The following ASPH variants were observed in gnomAD, a reference collection of about 807,000 sequenced individuals.
ASPH encodes the protein aspartate beta-hydroxylase, also known as aspartyl/asparaginyl beta-hydroxylase.
In ASPH, 100 loss-of-function variants were observed where a neutral mutation model predicts 118.4. The ratio of observed to expected loss-of-function variants is 0.84; its 90% CI spans 0.72 to 1.00. The LOEUF is 1.00. Among genes scored for constraint, ASPH ranks in the 50% least tolerant of loss-of-function variants. The pLI is 0.00. For synonymous variants in ASPH, 315 were observed against 325.6 expected, an observed-to-expected ratio of 0.97 and a Z score of 0.35; for missense variants, 920 against 919.5, an observed-to-expected ratio of 1.00 and a Z score of -0.01.
At chr8:61,664,381 C>T (rs945001895) in intron 3 of ASPH, 3 of 975,584 alleles carry the variant, frequency 3.1e-6, no homozygotes, top group African/African-American at 1.8e-5. Flanking sequence ...ATAATTAAAA[C>T]CTTTCTATAG....
intron 14 of ASPH, among the ~76,000 whole-genome samples, chr8:61,603,281 T>C (rs1485863759): frequency 1.3e-5 from 2 of 151,440 alleles, no homozygotes; most frequent in East Asian, 1.9e-4. Context: ...GAATAATCAG[T>C]GTTTACATTT....
Position 61,514,412 on chromosome 8 carries a change from T to G in ASPH, c.2126+3116A>C, listed in dbSNP as rs200312827. Among the ~76,000 whole-genome samples, 16 of 152,066 alleles carry G rather than the reference T, an allele frequency of 1.1e-4. No homozygotes were observed. The East Asian group carries it at 2.3e-3, about 22-fold the overall frequency. On this transcript the variant is annotated intron_variant, in intron 24 of 24. Coordinates refer to ENST00000379454, the MANE Select transcript of ASPH (RefSeq NM_004318.4). ...CTGCAGCCTTGAACTCCTGGGCAATTTTTTAAAAGTTGTTTCTGTGGCTGA... is the reference window on the plus strand; with the variant it reads ...CTGCAGCCTTGAACTCCTGGGCAATGTTTTAAAAGTTGTTTCTGTGGCTGA...
At chr8:61,656,060 T>G (rs1331766100) in intron 3 of ASPH, 1 of 152,168 alleles carries the variant, frequency 6.6e-6, no homozygotes, top group Non-Finnish European at 1.5e-5. Flanking sequence ...GTTCTAAAAT[T>G]TGAGGGAAAA....
intron 3 of ASPH, chr8:61,675,543 T>C (rs2086435115): frequency 1.0e-6 from 1 of 980,090 alleles, no homozygotes; most frequent in Non-Finnish European, 1.2e-6. Flanking sequence ...TGAACCTATC[T>C]GACAAACCTA....
intron 3 of ASPH, among the ~76,000 whole-genome samples, chr8:61,662,398 C>G (rs1294162397): frequency 3.3e-5 from 5 of 152,126 alleles, no homozygotes; most frequent in Non-Finnish European, 7.4e-5. Flanking sequence ...CTCCCAACTA[C>G]CTAGTATTGT....
chr8:61,518,581 T>C (rs573008093), intron 22 of ASPH, among the ~76,000 whole-genome samples: 186 of 152,340 alleles, frequency 1.2e-3, no homozygotes, highest in Non-Finnish European at 1.5e-3. Flanking sequence ...ATGTATTCTA[T>C]ACTATAGTCT....
rs1485687664 is a variant in ASPH at position 61,631,562 on chromosome 8, C to T, written c.934+2121G>A. 4.6e-5 allele frequency: 7 copies of T among 152,132 alleles called. No individual in the cohort carries two copies. In the East Asian group the frequency reaches 1.2e-3, roughly 25 times the overall value. 9.4% of individuals were successfully genotyped at this position (152,132 alleles called of 1,614,324 possible). A position where few individuals can be genotyped will look rare whatever the true frequency, so the allele number is the denominator to read the frequency against. On this transcript the variant is annotated intron_variant, in intron 13 of 24. Transcript: ENST00000379454. Reference sequence around the variant, plus strand: ...CCATATAGCCTAGATGTGTAGTAGGCTACTCTATGATGTTCATACGTGGAC... The same window carrying T: ...CCATATAGCCTAGATGTGTAGTAGGTTACTCTATGATGTTCATACGTGGAC...
intron 14 of ASPH, chr8:61,606,636 A>G (rs893969024): frequency 1.3e-5 from 2 of 152,228 alleles, no homozygotes; most frequent in Admixed American, 1.3e-4. Flanking sequence ...TTAAATTATC[A>G]TGAAGCAGGA....
intron 1 of ASPH, among the ~76,000 whole-genome samples, chr8:61,701,422 ATTAG>A: frequency 6.6e-6 from 1 of 152,254 alleles, no homozygotes; most frequent in East Asian, 1.9e-4. Flanking sequence ...AATTCTAAAA[ATTAG>A]CTTGGGTACT....
intron 3 of ASPH, among the ~76,000 whole-genome samples, chr8:61,670,234 AT>A (rs869239541): frequency 1.3e-4 from 19 of 151,548 alleles, no homozygotes; most frequent in East Asian, 5.8e-4. Context: ...AGAAAAAAAA[AT>A]TTTTTTTTGT....
intron 3 of ASPH, chr8:61,659,619 G>A (rs754583574): frequency 1.2e-4 from 18 of 152,314 alleles, no homozygotes; most frequent in Non-Finnish European, 2.2e-4. Flanking sequence ...GATAGCCAAG[G>A]AATAAACATC....
Position 61,551,454 on chromosome 8 carries a change from T to C in ASPH, c.1626+1577A>G, listed in dbSNP as rs149214260. 2.1e-4 allele frequency among the ~76,000 whole-genome samples: 32 copies of C among 152,352 alleles called. No homozygotes were observed. In the South Asian group the frequency reaches 6.4e-3, roughly 31 times the overall value. On this transcript the variant is annotated intron_variant, in intron 20 of 24. Coordinates refer to ENST00000379454, the MANE Select transcript of ASPH (RefSeq NM_004318.4). ...TGGAGTTTCTACAGGTTTGTTTCTG[T>C]TCTCCTGTAAGAACGAATCCTTCTG...
intron 2 of ASPH, among the ~76,000 whole-genome samples, chr8:61,682,981 C>A (rs1346422295): frequency 2.0e-5 from 3 of 152,036 alleles, no homozygotes; most frequent in African/African-American, 4.8e-5. Flanking sequence ...CACTGATAAA[C>A]AGATAACCAA....
intron 3 of ASPH, chr8:61,675,596 ATT>A: frequency 1.0e-6 from 1 of 979,474 alleles, no homozygotes; most frequent in East Asian, 1.1e-4. Flanking sequence ...AAGAACCATC[ATT>A]TTATACATCA....
chr8:61,658,941 G>C (rs1815268430), intron 3 of ASPH: 1 of 152,316 alleles, frequency 6.6e-6, no homozygotes, highest in African/African-American at 2.4e-5. Flanking sequence ...ATAAATCGTA[G>C]TCTGGCAGCA....
At chr8:61,653,041 C>T (rs148157980) in intron 4 of ASPH, among the ~76,000 whole-genome samples, 1 of 152,150 alleles carries the variant, frequency 6.6e-6, no homozygotes, top group Non-Finnish European at 1.5e-5. Flanking sequence ...GACTTTCCTA[C>T]CTATAGTCAT....
chr8:61,636,263 G>A (rs1024194250), intron 12 of ASPH, among the ~76,000 whole-genome samples: 2 of 152,180 alleles, frequency 1.3e-5, no homozygotes, highest in Admixed American at 1.3e-4. Flanking sequence ...TATCTAGGAA[G>A]ATGAGAAAGG....
chr8:61,550,958 G>A (rs1417231170), intron 20 of ASPH, among the ~76,000 whole-genome samples: 1 of 152,168 alleles, frequency 6.6e-6, no homozygotes, highest in Non-Finnish European at 1.5e-5. Flanking sequence ...CTCAAATCTT[G>A]ATCCTGGGAA....
chr8:61,633,434 A>C (rs1015478882), intron 13 of ASPH: 1 of 314,976 alleles, frequency 3.2e-6, no homozygotes, highest in African/African-American at 2.2e-5. Context: ...CACCATCTAT[A>C]ATGGCAAAAT....
Sources: gnomAD v4.1 joint callset for allele counts (sites outside exome capture counted in the v4.1 genomes callset) on GRCh38, gnomAD v4.1.1 for gene constraint, MANE v1.5 for transcripts, NCBI Gene and HGNC (gene_info 2026-07-23, HGNC 2026-07-21) for gene names.